The following GBP6 variants were observed in gnomAD, a reference collection of about 807,000 sequenced individuals.
GBP6 encodes the protein guanylate binding protein family member 6.
A neutral mutation model predicts 61.5 loss-of-function variants in GBP6; 54 were observed. The ratio of observed to expected loss-of-function variants is 0.88; its 90% CI spans 0.71 to 1.10. The LOEUF is 1.10. Among genes scored for constraint, GBP6 ranks in the 50% least tolerant of loss-of-function variants. The pLI is 0.00. For synonymous variants in GBP6, 255 were observed against 273.7 expected, an observed-to-expected ratio of 0.93 and a Z score of 0.67; for missense variants, 748 against 752.8, an observed-to-expected ratio of 0.99 and a Z score of 0.07.
intron 2 of GBP6, 99 bp from the exon 3 acceptor site, chr1:89,369,447 T>A: frequency 7.2e-7 from 1 of 1,380,034 alleles, no homozygotes; most frequent in South Asian, 1.5e-5. Flanking sequence ...CCATCATGTA[T>A]GTTGGGGTAG....
In GBP6 at chr1:89,383,673, T is replaced by G; in HGVS notation, c.1387T>G (p.Phe463Val). Residue 463 changes from phenylalanine (F) to valine (V), a missense_variant, in exon 9 of 11, where the codon TTC becomes GTC. Coordinates refer to ENST00000370456, the MANE Select transcript of GBP6 (RefSeq NM_198460.3). The stretch of plus-strand genomic sequence containing the variant: ...ATAGGCAAAAGAGGTCTTCCAGAGG[T>G]TCCTGGAGTCACAGATGGTGATAGA... ...GVKAKEVFQR[F>V]LESQMVIEES... 4 of 1,609,590 alleles carry G rather than the reference T, an allele frequency of 2.5e-6. No individual in the cohort carries two copies. Among genetic ancestry groups the G allele is most frequent in the Non-Finnish European group, 3.4e-6 (4 of 1,178,894 alleles).
intron 6 of GBP6, among the ~76,000 whole-genome samples, chr1:89,381,167 C>G (rs1392192424): frequency 6.6e-6 from 1 of 151,280 alleles, no homozygotes; most frequent in Non-Finnish European, 1.5e-5. Context: ...TACTTGTATT[C>G]CCAGCTACTT....
At chr1:89,384,336 C>A in intron 10 of GBP6, 50 bp downstream of exon 10, 1 of 1,460,998 alleles carries the variant, frequency 6.8e-7, no homozygotes, top group Non-Finnish European at 9.2e-7. Flanking sequence ...ACCCAGGTAC[C>A]TCAGGAAGGG....
chr1:89,387,888 G>A lies in GBP6; in HGVS notation c.*2419G>A, dbSNP rs1410755875. 1.3e-5 allele frequency among the ~76,000 whole-genome samples: 2 copies of A among 152,202 alleles called. No individual in the cohort carries two copies. Among genetic ancestry groups the A allele is most frequent in the African/African-American group, 2.4e-5 (1 of 41,452 alleles). On this transcript the variant is annotated 3_prime_UTR_variant, in exon 11 of 11. Transcript: ENST00000370456. ...GTGGAGGTTGCAGTGAGCCGAGATT[G>A]TGCCATTGCACTCCAGCCCGGGCAA...
At chr1:89,369,714 C>T (rs200809460) in intron 3 of GBP6, 41 bp downstream of exon 3, 1,298 of 1,579,438 alleles carry the variant, frequency 8.2e-4, no homozygotes, top group Non-Finnish European at 1.0e-3. Context: ...TTATTCCAGA[C>T]GTGATCCTTG....
At chr1:89,370,296 C>G (rs1244730744) in intron 3 of GBP6, among the ~76,000 whole-genome samples, 1 of 152,128 alleles carries the variant, frequency 6.6e-6, no homozygotes, top group Non-Finnish European at 1.5e-5. Context: ...GGTATTGACT[C>G]CAATCTCAGG....
chr1:89,384,143 C>T lies in GBP6; in HGVS notation c.1519C>T (p.Gln507Ter). Residue 507 changes from glutamine (Q) to a stop codon, truncating the protein, a stop_gained, in exon 10 of 11, where the codon CAG becomes TAG. Coordinates refer to ENST00000370456, the MANE Select transcript of GBP6 (RefSeq NM_198460.3). LOFTEE classifies it high-confidence loss of function. ...AAEKEQELLKQKLQEQQQQME... is the reference protein window; with the variant it reads ...AAEKEQELLK ...TGAGAAGGAACAGGAACTTTTAAAA[C>T]AGAAATTACAGGAGCAGCAGCAACA... 6.2e-7 allele frequency: 1 copy of T among 1,614,022 alleles called. No homozygotes were observed. Among genetic ancestry groups the T allele is most frequent in the East Asian group, 2.2e-5 (1 of 44,882 alleles).
At chr1:89,382,581 A>T in intron 7 of GBP6, 83 bp from the exon 8 acceptor site, 1 of 1,102,110 alleles carries the variant, frequency 9.1e-7, no homozygotes, top group Non-Finnish European at 1.4e-6. Flanking sequence ...GACCACAGTT[A>T]GATTGACTCT....
chr1:89,381,727 C>T lies in GBP6; in HGVS notation c.905C>T (p.Ala302Val), dbSNP rs149793418. ...ACTCTGGCAGTGACTTATGTAGAGG[C>T]CATCAACAGTGGAGCAGTGCCTTGT... The part of the protein sequence containing the change: ...LGTLAVTYVE[A>V]INSGAVPCLE... Residue 302 changes from alanine (A) to valine (V), a missense_variant, in exon 7 of 11, where the codon GCC (alanine) becomes GTC (valine). Transcript: ENST00000370456. 395 of 1,613,882 alleles carry T rather than the reference C, an allele frequency of 2.4e-4. No individual in the cohort carries two copies. The highest frequency in any genetic ancestry group is 3.2e-4 in the Non-Finnish European group (382 of 1,179,864).
intron 10 of GBP6, 88 bp from the exon 11 acceptor site, chr1:89,385,142 A>G: frequency 8.4e-7 from 1 of 1,194,002 alleles, no homozygotes; most frequent in Non-Finnish European, 1.2e-6. Context: ...AGTAAAATAA[A>G]GTTTCACACA....
chr1:89,371,272 T>C (rs1220092543), intron 3 of GBP6, among the ~76,000 whole-genome samples: 1 of 152,022 alleles, frequency 6.6e-6, no homozygotes, highest in Non-Finnish European at 1.5e-5. Flanking sequence ...ACTATTCCAA[T>C]CAATAGAAAA....
At chr1:89,372,274 A>G (rs923632248) in intron 3 of GBP6, among the ~76,000 whole-genome samples, 27 of 151,380 alleles carry the variant, frequency 1.8e-4, no homozygotes. Flanking sequence ...CATCCCCATC[A>G]AACTACCAAT....
rs1653132880 is a variant in GBP6 at position 89,385,935 on chromosome 1, C to A, written c.*466C>A. The stretch of plus-strand genomic sequence containing the variant: ...CATACACACTTTGAAAAACTTTGTT[C>A]ACTTTTAGGAAATATAATTTTGAAA... On this transcript the variant is annotated 3_prime_UTR_variant, in exon 11 of 11. Transcript: ENST00000370456. The A allele has an allele frequency of 6.6e-6, 1 of 152,642 alleles. No individual in the cohort carries two copies. Among genetic ancestry groups the A allele is most frequent in the Admixed American group, 6.5e-5 (1 of 15,330 alleles). 9.5% of individuals were successfully genotyped at this position (152,642 alleles called of 1,614,324 possible).
chr1:89,368,818 C>T, intron 2 of GBP6, 77 bp downstream of exon 2: 1 of 1,358,292 alleles, frequency 7.4e-7, no homozygotes, highest in Non-Finnish European at 1.0e-6. Context: ...TACCCCAGAG[C>T]ACATGAAGGT....
At chr1:89,371,189 G>T (rs758477658) in intron 3 of GBP6, among the ~76,000 whole-genome samples, 5 of 152,014 alleles carry the variant, frequency 3.3e-5, no homozygotes, top group Non-Finnish European at 7.4e-5. Context: ...TTTTGAGATT[G>T]AATATATATA....
intron 3 of GBP6, among the ~76,000 whole-genome samples, chr1:89,374,946 A>T (rs942027823): frequency 9.2e-5 from 14 of 151,864 alleles, no homozygotes; most frequent in African/African-American, 3.4e-4. Context: ...CCTAATCCCC[A>T]GTGTGTGTTG....
chr1:89,378,595 G>A lies in GBP6; in HGVS notation c.607G>A (p.Ala203Thr), dbSNP rs144565821. The A allele has an allele frequency of 2.1e-3, 3,317 of 1,612,550 alleles. 4 individuals are homozygous for A. Among genetic ancestry groups the A allele is most frequent in the Non-Finnish European group, 2.3e-3 (2,766 of 1,178,884 alleles). ...PITEDEYLEN[A>T]LKLIQGNNPR... ...CACAGAAGATGAATACCTGGAGAAT[G>A]CCTTGAAGCTGATTCAAGGTATCAG... is the stretch of plus-strand genomic sequence containing the variant. Residue 203 changes from alanine (A) to threonine (T), a missense_variant, in exon 5 of 11, where the codon GCC becomes ACC. Coordinates refer to ENST00000370456, the MANE Select transcript of GBP6 (RefSeq NM_198460.3).
intron 3 of GBP6, among the ~76,000 whole-genome samples, chr1:89,370,807 T>C (rs1386750932): frequency 6.6e-6 from 1 of 152,226 alleles, no homozygotes; most frequent in Non-Finnish European, 1.5e-5. Context: ...CCGTTTTCTT[T>C]TTTCTATGCT....
chr1:89,368,691 A>G lies in GBP6; in HGVS notation c.140A>G (p.Tyr47Cys), dbSNP rs556935485. The G allele has an allele frequency of 4.3e-6, 7 of 1,614,134 alleles. No homozygotes were observed. The South Asian group carries it at 7.7e-5, about 18-fold the overall frequency. ...PVVVVAIVGL[Y>C]RTGKSYLMNH... ...GTGGTGGTGGCCATTGTAGGACTGT[A>G]CCGTACAGGGAAATCCTACTTGATG... is the stretch of plus-strand genomic sequence containing the variant. Residue 47 changes from tyrosine to cysteine, a missense_variant, in exon 2 of 11, where the codon TAC becomes TGC. Tyr to Cys is a radical substitution (Grantham distance 194). Transcript: ENST00000370456.
Sources: gnomAD v4.1 joint callset for allele counts (sites outside exome capture counted in the v4.1 genomes callset) on GRCh38, gnomAD v4.1.1 for gene constraint, MANE v1.5 for transcripts, NCBI Gene and HGNC (gene_info 2026-07-23, HGNC 2026-07-21) for gene names.